Variants in TRPC7 observed in about 807,000 individuals in gnomAD.
TRPC7 encodes transient receptor potential cation channel subfamily C member 7, also known as short transient receptor potential channel 7.
A neutral mutation model predicts 90.1 loss-of-function variants in TRPC7; 42 were observed. The observed-to-expected ratio is 0.47, with a 90% CI of 0.36 to 0.60. The LOEUF (loss-of-function observed/expected upper bound fraction) is 0.60, where lower values mean the gene tolerates loss of function less well. Ranked by LOEUF, TRPC7 falls within the 20% of genes least tolerant of loss-of-function variation. The probability of loss-of-function intolerance (pLI) is 0.00; values close to 1 mark genes in which losing one functional copy is unlikely to be tolerated. For synonymous variants in TRPC7, 451 were observed against 436.3 expected (o/e 1.03, Z -0.42); for missense variants, 955 against 1,112.3 (o/e 0.86, Z 2.01).
At chr5:136,236,986 T>G in intron 7 of TRPC7, among the ~76,000 whole-genome samples, 1 of 152,232 alleles carries the variant, frequency 6.6e-6, no homozygotes, top group East Asian at 1.9e-4. Context: ...GCTAGAGTTC[T>G]GCTGAAGGAG....
At chr5:136,248,153 G>A (rs868743766) in intron 6 of TRPC7, among the ~76,000 whole-genome samples, 5 of 152,178 alleles carry the variant, frequency 3.3e-5, no homozygotes, top group Non-Finnish European at 4.4e-5. Context: ...TCCATGCTCA[G>A]GAGCTGTCCC....
At chr5:136,322,139 C>CA (rs1236856957) in intron 2 of TRPC7, among the ~76,000 whole-genome samples, 2 of 152,026 alleles carry the variant, frequency 1.3e-5, no homozygotes, top group African/African-American at 4.8e-5. Context: ...CTCAGTCTCC[C>CA]AAGAAGCTGG....
At chr5:136,287,687 C>CAAAAAAA (rs767031610) in intron 3 of TRPC7, among the ~76,000 whole-genome samples, 36 of 59,512 alleles carry the variant, frequency 6.0e-4, no homozygotes, top group South Asian at 8.5e-4. Context: ...AGTGGATGCT[C>CAAAAAAA]AAAAAAAAAA....
At chr5:136,219,311 T>A (rs558986006) in intron 10 of TRPC7, among the ~76,000 whole-genome samples, 1 of 152,344 alleles carries the variant, frequency 6.6e-6, no homozygotes, top group Non-Finnish European at 1.5e-5. Context: ...TTTGAAGCTC[T>A]CAGTATGCAT....
chr5:136,256,267 C>T (rs962674701), intron 5 of TRPC7, among the ~76,000 whole-genome samples: 2 of 152,188 alleles, frequency 1.3e-5, no homozygotes. Context: ...TCTGCCCACT[C>T]CTTAAGGGCT....
chr5:136,329,668 A>G (rs1024015489), intron 2 of TRPC7, among the ~76,000 whole-genome samples: 1 of 152,230 alleles, frequency 6.6e-6, no homozygotes, highest in Non-Finnish European at 1.5e-5. Flanking sequence ...TAATCACAGC[A>G]TGGTCATATG....
At chr5:136,255,401 C>T (rs1470483017) in intron 5 of TRPC7, among the ~76,000 whole-genome samples, 1 of 152,230 alleles carries the variant, frequency 6.6e-6, no homozygotes, top group East Asian at 1.9e-4. Flanking sequence ...AGCCAAGACC[C>T]TCCACCAGCA....
At position 136,226,033 on chromosome 5, in the gene TRPC7, C is replaced by T. The variant is rs2149795055; in HGVS notation, c.2262+1G>A. On this transcript the variant is annotated splice_donor_variant, in intron 9 of 11. Transcript: ENST00000513104. LOFTEE classifies it high-confidence loss of function. ...AGCCTCATAAACCACATGCTACCTACCTTGAATTTGGAATTCAGCATGCCC... is the reference window on the plus strand; with the variant it reads ...AGCCTCATAAACCACATGCTACCTATCTTGAATTTGGAATTCAGCATGCCC... 6.3e-7 allele frequency: 1 copy of T among 1,585,982 alleles called. No individual in the cohort carries two copies. Among genetic ancestry groups the T allele is most frequent in the Non-Finnish European group, 8.6e-7 (1 of 1,164,542 alleles).
chr5:136,313,652 G>A (rs1471528587), intron 3 of TRPC7, among the ~76,000 whole-genome samples: 4 of 152,166 alleles, frequency 2.6e-5, no homozygotes, highest in African/African-American at 9.7e-5. Flanking sequence ...TCGCATGATG[G>A]CATACAAGGT....
rs113740862 is a variant in TRPC7, at chr5:136,261,426, C to T, written c.1345+4794G>A. Among the ~76,000 whole-genome samples the T allele has an allele frequency of 3.5e-3, 527 of 152,310 alleles. 5 individuals carry two copies. Among genetic ancestry groups the T allele is most frequent in the African/African-American group, 0.012 (491 of 41,572 alleles). On this transcript the variant is annotated intron_variant, in intron 5 of 11. Transcript: ENST00000513104. ...TCCACCTGCACTGTGCTGTCAACTC[C>T]ACCTTTTCTCCCGTTACAATGAGTG...
chr5:136,213,246 A>G lies in TRPC7; in HGVS notation c.*189T>C. Reference sequence around the variant, plus strand: ...TTTTCTTACCCAACCACCTAGATTCACAGCAGTTCTGGGTCTAGGCAGGCC... The same window carrying G: ...TTTTCTTACCCAACCACCTAGATTCGCAGCAGTTCTGGGTCTAGGCAGGCC... On this transcript the variant is annotated 3_prime_UTR_variant, in exon 12 of 12. Coordinates refer to ENST00000513104, the MANE Select transcript of TRPC7 (RefSeq NM_020389.3). The G allele has an allele frequency of 1.6e-6, 1 of 610,922 alleles. No individual in the cohort carries two copies. Among genetic ancestry groups the G allele is most frequent in the Middle Eastern group, 4.4e-4 (1 of 2,252 alleles). The allele number at this position is 610,922 out of a possible 1,614,324, so 37.8% of individuals were successfully genotyped here. A position where few individuals can be genotyped will look rare whatever the true frequency, so the allele number is the denominator to read the frequency against.
At chr5:136,281,479 A>T (rs1429755888) in intron 3 of TRPC7, among the ~76,000 whole-genome samples, 1 of 152,216 alleles carries the variant, frequency 6.6e-6, no homozygotes, top group Non-Finnish European at 1.5e-5. Context: ...AGAAAATCCT[A>T]CCTGACACTG....
intron 2 of TRPC7, among the ~76,000 whole-genome samples, chr5:136,354,428 T>A (rs985405042): frequency 8.5e-5 from 13 of 152,168 alleles, no homozygotes; most frequent in African/African-American, 2.7e-4. Context: ...GTAAACTTTT[T>A]AAATAATTAT....
chr5:136,228,873 T>A (rs1017358152), intron 8 of TRPC7, among the ~76,000 whole-genome samples: 2 of 152,190 alleles, frequency 1.3e-5, no homozygotes, highest in Non-Finnish European at 2.9e-5. Flanking sequence ...TCTCTGCATG[T>A]CGCGGCCCCT....
chr5:136,298,050 A>G (rs1466847002), intron 3 of TRPC7, among the ~76,000 whole-genome samples: 3 of 152,234 alleles, frequency 2.0e-5, no homozygotes, highest in African/African-American at 7.2e-5. Flanking sequence ...TGCTGGGGAT[A>G]CAGTGGTGAG....
At chr5:136,316,026 C>T (rs1283846902) in intron 2 of TRPC7, 4 of 501,042 alleles carry the variant, frequency 8.0e-6, no homozygotes, top group Non-Finnish European at 1.4e-5. Context: ...CCACCTGCAT[C>T]AGAGTCACCT....
chr5:136,229,397 G>C (rs1283793993), intron 8 of TRPC7, among the ~76,000 whole-genome samples: 1 of 152,054 alleles, frequency 6.6e-6, no homozygotes, highest in Non-Finnish European at 1.5e-5. Flanking sequence ...TCTTTTTTGG[G>C]GAGGGTATCA....
intron 3 of TRPC7, among the ~76,000 whole-genome samples, chr5:136,302,645 A>C (rs1405642948): frequency 2.0e-5 from 3 of 152,070 alleles, no homozygotes; most frequent in Non-Finnish European, 4.4e-5. Flanking sequence ...CCTGACCTAA[A>C]ATCTAAGCAT....
intron 4 of TRPC7, among the ~76,000 whole-genome samples, chr5:136,271,048 A>G (rs1379814370): frequency 6.6e-6 from 1 of 152,122 alleles, no homozygotes; most frequent in Non-Finnish European, 1.5e-5. Flanking sequence ...GACCCCTTTC[A>G]AGCCATTTCA....
Sources: gnomAD v4.1 joint callset for allele counts (sites outside exome capture counted in the v4.1 genomes callset) on GRCh38, gnomAD v4.1.1 for gene constraint, MANE v1.5 for transcripts, NCBI Gene and HGNC (gene_info 2026-07-23, HGNC 2026-07-21) for gene names.